GABRR3: variants seen among roughly 807,000 people sequenced by gnomAD.
The protein encoded by GABRR3 is gamma-aminobutyric acid type A receptor subunit rho3.
GABRR3 carries 29 observed loss-of-function variants against 43.2 expected under a neutral mutation model. That is an observed-to-expected ratio of 0.67 (90% CI 0.50 to 0.92). GABRR3 has a LOEUF of 0.92. Ranked by LOEUF, GABRR3 falls within the 40% of genes least tolerant of loss-of-function variation. The pLI is 0.00. For missense variants in GABRR3, 576 were observed against 572.3 expected (o/e 1.01, Z -0.07); for synonymous variants, 206 against 195.9 (o/e 1.05, Z -0.43).
At chr3:97,993,445 T>C (rs1874864) in intron 8 of GABRR3, among the ~76,000 whole-genome samples, 60,634 of 152,088 alleles carry the variant, frequency 0.4, 13,817 homozygotes, top group Non-Finnish European at 0.53. Flanking sequence ...ATTTTTACTG[T>C]TTATAACCTG....
intron 8 of GABRR3, among the ~76,000 whole-genome samples, chr3:97,996,508 G>T (rs1005029553): frequency 3.3e-5 from 5 of 152,124 alleles, no homozygotes; most frequent in Admixed American, 6.5e-5. Context: ...GTGACTACAG[G>T]CCTGAAAACT....
At chr3:98,018,448 T>C (rs909420292) in intron 3 of GABRR3, among the ~76,000 whole-genome samples, 1 of 152,146 alleles carries the variant, frequency 6.6e-6, no homozygotes, top group Non-Finnish European at 1.5e-5. Flanking sequence ...TGCTGACACT[T>C]GTACAGTTGA....
At chr3:98,006,673 T>C (rs1706727080) in intron 7 of GABRR3, among the ~76,000 whole-genome samples, 1 of 152,218 alleles carries the variant, frequency 6.6e-6, no homozygotes, top group South Asian at 2.1e-4. Flanking sequence ...ACTTTCTGGC[T>C]GGCCTAAGCA....
chr3:98,007,269 G>A (rs2107236052), intron 7 of GABRR3, among the ~76,000 whole-genome samples: 1 of 152,122 alleles, frequency 6.6e-6, no homozygotes, highest in African/African-American at 2.4e-5. Context: ...GAATATTGGG[G>A]GAAAGCACCC....
At chr3:98,003,709 T>G (rs1706685196) in intron 7 of GABRR3, among the ~76,000 whole-genome samples, 1 of 152,142 alleles carries the variant, frequency 6.6e-6, no homozygotes, top group African/African-American at 2.4e-5. Flanking sequence ...AGCCTAGGTC[T>G]CTTTTTGGCA....
chr3:98,020,870 C>CTTTTTTTTTTTTTTTTTT (rs59070712), intron 3 of GABRR3, among the ~76,000 whole-genome samples: 1 of 117,446 alleles, frequency 8.5e-6, no homozygotes, highest in Non-Finnish European at 1.7e-5. Context: ...TTTTCTTTTT[C>CTTTTTTTTTTTTTTTTTT]TTTTTTTTTT....
At position 98,003,172 on chromosome 3, in the gene GABRR3, A is replaced by G. The variant is rs960361893; in HGVS notation, c.755-1405T>C. 4.2e-4 allele frequency among the ~76,000 whole-genome samples: 64 copies of G among 152,262 alleles called. 1 individual carries two copies. The highest frequency in any genetic ancestry group is 1.5e-3 in the African/African-American group (61 of 41,556). ...CATTGTCTTGTATCACCTACATCACAGCCCCAATTTATTACTGTGTACCAC... is the reference window on the plus strand; with the variant it reads ...CATTGTCTTGTATCACCTACATCACGGCCCCAATTTATTACTGTGTACCAC... On this transcript the variant is annotated intron_variant, in intron 7 of 9. Coordinates refer to ENST00000621172, the Ensembl canonical transcript of GABRR3.
At chr3:98,025,949 G>T (rs1380383915) in intron 2 of GABRR3, among the ~76,000 whole-genome samples, 2 of 152,100 alleles carry the variant, frequency 1.3e-5, no homozygotes, top group African/African-American at 4.8e-5. Flanking sequence ...CTCAGAATAC[G>T]GTTTTTAGAC....
Position 98,026,602 on chromosome 3 carries a change from GTCATCA to G in GABRR3, c.126-929_126-924del, listed in dbSNP as rs367904103. Reference sequence around the variant, plus strand: ...CACCTCCTTCCAGAAAAAGGTGGCTGTCATCATCATCATCATCATCATCATCATCAT... The same window carrying G: ...CACCTCCTTCCAGAAAAAGGTGGCTGTCATCATCATCATCATCATCATCAT... On this transcript the variant is annotated intron_variant, in intron 2 of 9. Transcript: ENST00000621172. Among the ~76,000 whole-genome samples the G allele has an allele frequency of 1.2e-3, 118 of 101,568 alleles. 1 individual carries two copies. The highest frequency in any genetic ancestry group is 1.0e-2 in the South Asian group (30 of 3,006). 66.6% of individuals were successfully genotyped at this position (101,568 alleles called of 152,430 possible).
Position 98,020,422 on chromosome 3 carries a change from A to C in GABRR3, c.239-2700T>G, listed in dbSNP as rs1362696200. 4.8e-5 allele frequency among the ~76,000 whole-genome samples: 7 copies of C among 144,882 alleles called. No homozygotes were observed. In the East Asian group the frequency reaches 1.4e-3, roughly 30 times the overall value. ...CTTAGGAATGTAAGCCACTACTCCC[A>C]ATCCTACGCACATTTAGATAATGAG... On this transcript the variant is annotated intron_variant, in intron 3 of 9. Transcript: ENST00000621172.
chr3:98,002,064 T>C (rs553717612), intron 7 of GABRR3, among the ~76,000 whole-genome samples: 1 of 152,266 alleles, frequency 6.6e-6, no homozygotes, highest in African/African-American at 2.4e-5. Flanking sequence ...ATATATTGTA[T>C]TGTGGCGTTT....
chr3:98,018,212 C>G (rs1011384165), intron 3 of GABRR3, among the ~76,000 whole-genome samples: 1 of 152,064 alleles, frequency 6.6e-6, no homozygotes, highest in African/African-American at 2.4e-5. Context: ...AAAATATCAG[C>G]CTTTTCCATT....
intron 9 of GABRR3, among the ~76,000 whole-genome samples, chr3:97,992,079 C>T (rs1706475872): frequency 6.6e-6 from 1 of 152,052 alleles, no homozygotes; most frequent in South Asian, 2.1e-4. Flanking sequence ...GAAACTGGTG[C>T]CCAAATCCTC....
At chr3:98,004,242 CTAA>C (rs1482169936) in intron 7 of GABRR3, among the ~76,000 whole-genome samples, 1 of 152,160 alleles carries the variant, frequency 6.6e-6, no homozygotes, top group Non-Finnish European at 1.5e-5. Flanking sequence ...CAGCTACTAA[CTAA>C]TATTTATTGA....
intron 3 of GABRR3, among the ~76,000 whole-genome samples, chr3:98,018,578 G>A (rs549280511): frequency 3.2e-4 from 49 of 152,142 alleles, no homozygotes; most frequent in Admixed American, 2.1e-3. Context: ...AGTGTGAGTC[G>A]AAATTGATGT....
intron 1 of GABRR3, 80 bp downstream of exon 1, chr3:98,035,098 GCATTAGGGGAAA>G: frequency 1.5e-6 from 2 of 1,292,432 alleles, no homozygotes; most frequent in Non-Finnish European, 2.1e-6. Flanking sequence ...CAGGGGAAAT[GCATTAGGGGAAA>G]AAGAAAGACA....
intron 2 of GABRR3, among the ~76,000 whole-genome samples, chr3:98,032,372 T>G (rs775468139): frequency 3.3e-5 from 5 of 152,232 alleles, no homozygotes; most frequent in African/African-American, 7.2e-5. Flanking sequence ...CTGAGCAGAC[T>G]CCAGCACTCT....
intron 4 of GABRR3, 30 bp from the exon 5 acceptor site, chr3:98,012,597 A>C (rs1559778236): frequency 6.5e-7 from 1 of 1,537,340 alleles, no homozygotes. Context: ...GACCAAAAAA[A>C]CCAGTAGGAA....
At chr3:97,992,999 G>C (rs1352468331) in exon 9 of GABRR3, 2 of 1,612,986 alleles carry the variant, frequency 1.2e-6, no homozygotes, top group Non-Finnish European at 1.7e-6. Context: ...GGGGCATGGA[G>C]GCGCTCACAG....
Sources: gnomAD v4.1 joint callset for allele counts (sites outside exome capture counted in the v4.1 genomes callset) on GRCh38, gnomAD v4.1.1 for gene constraint, MANE v1.5 for transcripts, NCBI Gene and HGNC (gene_info 2026-07-23, HGNC 2026-07-21) for gene names.